The following MYCBP2 variants were observed in gnomAD, a reference collection of about 807,000 sequenced individuals.
The protein encoded by MYCBP2 is E3 ubiquitin-protein ligase MYCBP2.
In MYCBP2, 120 loss-of-function variants were observed where a neutral mutation model predicts 525.3. The ratio of observed to expected loss-of-function variants is 0.23; its 90% confidence interval spans 0.20 to 0.27. The LOEUF (loss-of-function observed/expected upper bound fraction) is 0.27, where lower values mean the gene tolerates loss of function less well. Ranked by LOEUF, MYCBP2 falls within the 10% of genes least tolerant of loss-of-function variation. The pLI, the probability that MYCBP2 is intolerant of heterozygous loss-of-function variation, is 1.00. For synonymous variants in MYCBP2, 1,894 were observed against 1,955.8 expected, an observed-to-expected ratio of 0.97 and a Z score of 0.83; for missense variants, 4,149 against 5,657.1, an observed-to-expected ratio of 0.73 and a Z score of 8.55.
Position 77,282,591 on chromosome 13 carries a change from C to A in MYCBP2, c.595-3680G>T, listed in dbSNP as rs112780359. Among the ~76,000 whole-genome samples the A allele has an allele frequency of 7.0e-4, 106 of 152,246 alleles. 1 individual carries two copies. Among genetic ancestry groups the A allele is most frequent in the Admixed American group, 5.7e-3 (87 of 15,296 alleles). On this transcript the variant is annotated intron_variant, in intron 3 of 82. Coordinates refer to ENST00000544440, the MANE Select transcript of MYCBP2 (RefSeq NM_015057.5). ...TCAAACAATGTTCTTGATCCCACCC[C>A]CTCCGATCTCTCACAGAAATTTGTT... is the stretch of plus-strand genomic sequence containing the variant.
At position 77,186,249 on chromosome 13, in the gene MYCBP2, C is replaced by T. The variant is rs184794477; in HGVS notation, c.4252-186G>A. On this transcript the variant is annotated intron_variant, in intron 30 of 82. Coordinates refer to ENST00000544440, the MANE Select transcript of MYCBP2 (RefSeq NM_015057.5). ...AGTTCATTTATTAAATTACCCTCAA[C>T]AGTAACTTTGAAGTTTGTTACAAAA... Among the ~76,000 whole-genome samples, 327 of 152,260 alleles carry T rather than the reference C, an allele frequency of 2.1e-3. 4 individuals carry two copies. The highest frequency in any genetic ancestry group is 1.3e-3 in the East Asian group (7 of 5,190).
At chr13:77,185,520 G>T in intron 31 of MYCBP2, 143 bp from the exon 32 acceptor site, 1 of 914,594 alleles carries the variant, frequency 1.1e-6, no homozygotes, top group Non-Finnish European at 1.6e-6. Flanking sequence ...GAGATTAAGT[G>T]TAGTCCCAAT....
intron 47 of MYCBP2, among the ~76,000 whole-genome samples, chr13:77,146,710 C>T (rs939028039): frequency 6.6e-6 from 1 of 152,020 alleles, no homozygotes; most frequent in Non-Finnish European, 1.5e-5. Flanking sequence ...GAGGAAAATA[C>T]GAATTAAAAC....
In MYCBP2 at chr13:77,077,397, T is replaced by C. The variant is rs760453789; in HGVS notation, c.11485-10A>G. 51 of 1,613,282 alleles carry C rather than the reference T, an allele frequency of 3.2e-5. No individual in the cohort carries two copies. The highest frequency in any genetic ancestry group is 4.1e-5 in the Non-Finnish European group (48 of 1,179,546). Reference sequence around the variant, plus strand: ...TGGAATCCAGATCAACCTGGTTGAGTAGAAAAGAGGCAGGAACCTGATTCA... The same window carrying C: ...TGGAATCCAGATCAACCTGGTTGAGCAGAAAAGAGGCAGGAACCTGATTCA... On this transcript the variant is annotated splice_polypyrimidine_tract_variant and intron_variant, in intron 66 of 82. Coordinates refer to ENST00000544440, the MANE Select transcript of MYCBP2 (RefSeq NM_015057.5).
At chr13:77,298,417 T>C (rs2078422848) in intron 1 of MYCBP2, among the ~76,000 whole-genome samples, 1 of 152,220 alleles carries the variant, frequency 6.6e-6, no homozygotes, top group South Asian at 2.1e-4. Context: ...GTTTAATGTA[T>C]TGCTTCCTCG....
rs568448443 is a variant in MYCBP2 at position 77,125,732 on chromosome 13, C to T, written c.7885-264G>A. On this transcript the variant is annotated intron_variant, in intron 53 of 82. Transcript: ENST00000544440. Reference sequence around the variant, plus strand: ...AACACCTAAATAATTTTAAGAATTACCCAAGAACACATGGCTCATTTTCTT... The same window carrying T: ...AACACCTAAATAATTTTAAGAATTATCCAAGAACACATGGCTCATTTTCTT... Among the ~76,000 whole-genome samples, 6 of 152,266 alleles carry T rather than the reference C, an allele frequency of 3.9e-5. No individual in the cohort carries two copies. The East Asian group carries it at 7.7e-4, about 20-fold the overall frequency.
intron 17 of MYCBP2, among the ~76,000 whole-genome samples, chr13:77,238,367 GAAGA>G (rs1218651324): frequency 2.0e-5 from 3 of 150,840 alleles, no homozygotes; most frequent in Admixed American, 1.3e-4. Context: ...TGGATACTTA[GAAGA>G]AAGAAGAAAA....
intron 15 of MYCBP2, among the ~76,000 whole-genome samples, chr13:77,246,778 C>T (rs1323653619): frequency 1.3e-5 from 2 of 151,736 alleles, no homozygotes; most frequent in Non-Finnish European, 2.9e-5. Context: ...AAGAATTATA[C>T]ACCATAACGA....
chr13:77,251,082 T>C, intron 15 of MYCBP2, 69 bp downstream of exon 15: 2 of 1,444,148 alleles, frequency 1.4e-6, no homozygotes, highest in South Asian at 1.2e-5. Context: ...TAGTAGAGTA[T>C]ACTCCGGAAT....
At chr13:77,072,980 T>C (rs1341283356) in intron 68 of MYCBP2, among the ~76,000 whole-genome samples, 2 of 152,198 alleles carry the variant, frequency 1.3e-5, no homozygotes, top group Non-Finnish European at 2.9e-5. Flanking sequence ...TTTTGCTTTT[T>C]AAAAACATCT....
rs376465915 is a variant in MYCBP2 at position 77,180,756 on chromosome 13, T to C, written c.4942-438A>G. ...ATAGTAAGACTTTGTCTCTACAAAATGTTTTTTTAAAAAGTTAGCTGGGTG... is the reference window on the plus strand; with the variant it reads ...ATAGTAAGACTTTGTCTCTACAAAACGTTTTTTTAAAAAGTTAGCTGGGTG... On this transcript the variant is annotated intron_variant, in intron 33 of 82. Coordinates refer to ENST00000544440, the MANE Select transcript of MYCBP2 (RefSeq NM_015057.5). 2.6e-5 allele frequency among the ~76,000 whole-genome samples: 4 copies of C among 152,048 alleles called. No individual in the cohort carries two copies. In the East Asian group the frequency reaches 5.8e-4, roughly 22 times the overall value.
intron 2 of MYCBP2, among the ~76,000 whole-genome samples, chr13:77,296,126 A>G (rs2078163828): frequency 1.3e-5 from 2 of 152,324 alleles, no homozygotes; most frequent in South Asian, 4.1e-4. Flanking sequence ...GGTCAAGAAA[A>G]TCCCAGAAAT....
chr13:77,228,579 T>C (rs2066654241), intron 18 of MYCBP2, among the ~76,000 whole-genome samples: 1 of 151,962 alleles, frequency 6.6e-6, no homozygotes, highest in Admixed American at 6.6e-5. Context: ...GACCAAAGCT[T>C]AGATCTATAT....
chr13:77,093,091 G>A (rs2045702269), intron 59 of MYCBP2, 74 bp downstream of exon 59: 28 of 1,411,646 alleles, frequency 2.0e-5, no homozygotes, highest in Non-Finnish European at 2.6e-5. Context: ...AACTTCTACA[G>A]GACTCTTTTC....
intron 52 of MYCBP2, among the ~76,000 whole-genome samples, chr13:77,131,557 T>C (rs73541786): frequency 0.013 from 1,912 of 151,822 alleles, 39 homozygotes; most frequent in African/African-American, 0.044. Flanking sequence ...TAGTGTTCTT[T>C]GGAAATTTAG....
intron 17 of MYCBP2, among the ~76,000 whole-genome samples, chr13:77,235,454 C>T (rs2067778413): frequency 6.6e-6 from 1 of 152,030 alleles, no homozygotes; most frequent in Non-Finnish European, 1.5e-5. Flanking sequence ...ATACATGTAG[C>T]TGACTTTTAC....
intron 55 of MYCBP2, among the ~76,000 whole-genome samples, chr13:77,111,090 A>T (rs2048740435): frequency 6.6e-6 from 1 of 152,198 alleles, no homozygotes; most frequent in Non-Finnish European, 1.5e-5. Context: ...TTGAGAGAAT[A>T]ACAAAGTGGG....
intron 78 of MYCBP2, 41 bp from the exon 79 acceptor site, chr13:77,057,134 A>C: frequency 7.3e-7 from 1 of 1,375,218 alleles, no homozygotes; most frequent in Non-Finnish European, 1.0e-6. Flanking sequence ...AAATATAATA[A>C]TGATAAACAG....
chr13:77,248,278 T>A (rs1197272324), intron 15 of MYCBP2, among the ~76,000 whole-genome samples: 1 of 151,682 alleles, frequency 6.6e-6, no homozygotes, highest in African/African-American at 2.4e-5. Flanking sequence ...TTCATGAAAA[T>A]TTTAAAAATT....
Sources: allele counts gnomAD v4.1 joint callset (sites outside exome capture counted in the v4.1 genomes callset), GRCh38; gene constraint gnomAD v4.1.1; transcripts MANE v1.5; gene names NCBI Gene and HGNC (gene_info 2026-07-23, HGNC 2026-07-21).